The following RAB33B variants were observed in gnomAD, a reference collection of about 807,000 sequenced individuals.
The protein encoded by RAB33B is ras-related protein Rab-33B.
Under a neutral mutation model 15.0 loss-of-function variants are expected in RAB33B, and 6 were observed. The ratio of observed to expected loss-of-function variants is 0.40; its 90% CI spans 0.22 to 0.79. The LOEUF (loss-of-function observed/expected upper bound fraction) is 0.79. RAB33B is among the 30% of genes least tolerant of loss of function. The pLI is 0.37. For missense variants in RAB33B, 257 were observed against 296.4 expected (o/e 0.87, Z 0.98); for synonymous variants, 117 against 108.3 (o/e 1.08, Z -0.50).
upstream of RAB33B, chr4:139,450,270 A>T (rs1749893747): frequency 6.6e-6 from 1 of 152,260 alleles, no homozygotes; most frequent in Non-Finnish European, 1.5e-5. Flanking sequence ...CTATTTATAT[A>T]CTGAAATTAA....
At position 139,473,643 on chromosome 4, in the gene RAB33B, A is replaced by C. The variant is rs947367222; in HGVS notation, c.*517A>C. ...GCAATCCTCCCACCTCAGCCTCCCC[A>C]GTACTGGGACTGTAGGTACTCACCA... On this transcript the variant is annotated 3_prime_UTR_variant, in exon 2 of 2. Transcript: ENST00000305626. 1 of 155,168 alleles carries C rather than the reference A, an allele frequency of 6.4e-6. No homozygotes were observed. Among genetic ancestry groups the C allele is most frequent in the Non-Finnish European group, 1.4e-5 (1 of 69,970 alleles). 9.6% of individuals were successfully genotyped at this position (155,168 alleles called of 1,614,324 possible). A position where few individuals can be genotyped will look rare whatever the true frequency, so the allele number is the denominator to read the frequency against.
the RAB33B span, among the ~76,000 whole-genome samples, chr4:139,446,492 T>C: frequency 1.3e-5 from 2 of 152,194 alleles, no homozygotes; most frequent in Non-Finnish European, 2.9e-5. Flanking sequence ...ATGGTTTGGC[T>C]GGATGGTCAG....
At position 139,473,310 on chromosome 4, in the gene RAB33B, TG is replaced by T; in HGVS notation, c.*186del. 1.7e-6 allele frequency: 1 copy of T among 594,840 alleles called. No individual in the cohort carries two copies. The highest frequency in any genetic ancestry group is 2.9e-5 in the South Asian group (1 of 35,038). 36.8% of individuals were successfully genotyped at this position (594,840 alleles called of 1,614,324 possible). A position where few individuals can be genotyped will look rare whatever the true frequency, so the allele number is the denominator to read the frequency against. ...GTCACTGTGACAACACAGGAAAAGT[TG>T]GTTTTCAGGTGAGATTGAAAATGAA... On this transcript the variant is annotated 3_prime_UTR_variant, in exon 2 of 2. Coordinates refer to ENST00000305626, the MANE Select transcript of RAB33B (RefSeq NM_031296.3).
At chr4:139,467,115 C>T (rs1750302895) in intron 1 of RAB33B, among the ~76,000 whole-genome samples, 1 of 150,252 alleles carries the variant, frequency 6.7e-6, no homozygotes, top group Non-Finnish European at 1.5e-5. Context: ...ACTATGGGCA[C>T]CTGCCACCAC....
chr4:139,446,502 G>C, the RAB33B span, among the ~76,000 whole-genome samples: 1 of 152,206 alleles, frequency 6.6e-6, no homozygotes, highest in Non-Finnish European at 1.5e-5. Context: ...TGGATGGTCA[G>C]GGACATGGAA....
chr4:139,446,609 C>T, the RAB33B span, among the ~76,000 whole-genome samples: 3 of 152,234 alleles, frequency 2.0e-5, no homozygotes, highest in South Asian at 2.1e-4. Flanking sequence ...TATTTGTATC[C>T]CATGTGAGTG....
chr4:139,457,129 A>G (rs571598746), intron 1 of RAB33B, among the ~76,000 whole-genome samples: 3 of 152,354 alleles, frequency 2.0e-5, no homozygotes, highest in African/African-American at 7.2e-5. Context: ...TTCAGAAAGC[A>G]TGACTTAACA....
At chr4:139,466,168 G>A (rs1289314589) in intron 1 of RAB33B, among the ~76,000 whole-genome samples, 3 of 152,090 alleles carry the variant, frequency 2.0e-5, no homozygotes, top group African/African-American at 7.2e-5. Context: ...TATCATTACC[G>A]CTTACATTTG....
At chr4:139,462,500 C>T (rs1384634220) in intron 1 of RAB33B, among the ~76,000 whole-genome samples, 3 of 152,172 alleles carry the variant, frequency 2.0e-5, no homozygotes, top group Non-Finnish European at 4.4e-5. Context: ...TCCTTTTCCC[C>T]TATTCTTTCA....
intron 1 of RAB33B, among the ~76,000 whole-genome samples, chr4:139,458,299 G>C (rs563243598): frequency 6.6e-6 from 1 of 151,618 alleles, no homozygotes; most frequent in Non-Finnish European, 1.5e-5. Flanking sequence ...TTTTTAACAC[G>C]TTTATTTTAG....
At chr4:139,469,570 G>A (rs1203397602) in intron 1 of RAB33B, among the ~76,000 whole-genome samples, 1 of 152,194 alleles carries the variant, frequency 6.6e-6, no homozygotes. Flanking sequence ...ATTCTTCTGT[G>A]TATGGACATT....
chr4:139,457,387 G>A (rs1467656908), intron 1 of RAB33B, among the ~76,000 whole-genome samples: 1 of 152,092 alleles, frequency 6.6e-6, no homozygotes, highest in African/African-American at 2.4e-5. Flanking sequence ...ATGACTAATT[G>A]TATTCCTTTA....
intron 1 of RAB33B, among the ~76,000 whole-genome samples, chr4:139,467,680 C>G (rs1296254028): frequency 2.0e-5 from 3 of 151,422 alleles, no homozygotes; most frequent in Non-Finnish European, 4.4e-5. Flanking sequence ...AACATGGTGA[C>G]AACCCATCTC....
chr4:139,458,841 C>T (rs1750117093), intron 1 of RAB33B, among the ~76,000 whole-genome samples: 1 of 152,160 alleles, frequency 6.6e-6, no homozygotes, highest in Non-Finnish European at 1.5e-5. Context: ...CACCACTTTC[C>T]ACAAGGGATG....
At chr4:139,447,079 A>G in the RAB33B span, among the ~76,000 whole-genome samples, 3 of 152,166 alleles carry the variant, frequency 2.0e-5, no homozygotes, top group Admixed American at 6.5e-5. Flanking sequence ...ATCCACTGTC[A>G]TGGTATTCCA....
chr4:139,467,373 C>CTTT (rs760811130), intron 1 of RAB33B, among the ~76,000 whole-genome samples: 5 of 36,432 alleles, frequency 1.4e-4, no homozygotes, highest in East Asian at 1.0e-3. Context: ...TCAGACTGGT[C>CTTT]TTTTTTTTTT....
chr4:139,466,992 A>G (rs1388134564), intron 1 of RAB33B, among the ~76,000 whole-genome samples: 2 of 92,284 alleles, frequency 2.2e-5, no homozygotes, highest in South Asian at 3.4e-4. Flanking sequence ...TTTTTGAGGC[A>G]GGGTCTTGCT....
rs1292594894 is a variant in RAB33B, at chr4:139,460,001, GT to G, written c.249+5559del. Among the ~76,000 whole-genome samples, 7 of 152,306 alleles carry G rather than the reference GT, an allele frequency of 4.6e-5. No homozygotes were observed. In the East Asian group the frequency reaches 1.2e-3, roughly 25 times the overall value. The stretch of plus-strand genomic sequence containing the variant: ...TGAATATATAGAGGCAGAGAGATCA[GT>G]TGGTAGGGTACTCTGGAAATCCAGA... On this transcript the variant is annotated intron_variant, in intron 1 of 1. Transcript: ENST00000305626.
upstream of RAB33B, chr4:139,451,310 CCAGCCT>C (rs1290145386): frequency 2.0e-5 from 3 of 152,078 alleles, no homozygotes; most frequent in Non-Finnish European, 4.4e-5. Flanking sequence ...AAGAGATCCT[CCAGCCT>C]CAGCCTCCTG....
Sources: gnomAD v4.1 joint callset for allele counts (sites outside exome capture counted in the v4.1 genomes callset) on GRCh38, gnomAD v4.1.1 for gene constraint, MANE v1.5 for transcripts, NCBI Gene and HGNC (gene_info 2026-07-23, HGNC 2026-07-21) for gene names.